The following DLG2 variants were observed in gnomAD, a reference collection of about 807,000 sequenced individuals.
DLG2 encodes disks large homolog 2.
A neutral mutation model predicts 132.5 loss-of-function variants in DLG2; 45 were observed. That is an observed-to-expected ratio of 0.34 (90% CI 0.27 to 0.44). The LOEUF (loss-of-function observed/expected upper bound fraction) is 0.44. Ranked by LOEUF, DLG2 falls within the 20% of genes least tolerant of loss-of-function variation. DLG2 has a pLI of 1.00. For synonymous variants in DLG2, 424 were observed against 419.6 expected (o/e 1.01, Z -0.13); for missense variants, 1,045 against 1,196.9 (o/e 0.87, Z 1.87).
At chr11:85,256,507 C>T (rs1204083517) in intron 4 of DLG2, among the ~76,000 whole-genome samples, 4 of 152,332 alleles carry the variant, frequency 2.6e-5, no homozygotes, top group African/African-American at 7.2e-5. Flanking sequence ...CTTAAGCCAC[C>T]TGCAGATGGC....
intron 7 of DLG2, among the ~76,000 whole-genome samples, chr11:84,311,653 A>G (rs950010012): frequency 2.6e-5 from 4 of 152,240 alleles, no homozygotes; most frequent in African/African-American, 9.6e-5. Context: ...CTGAGGCTCA[A>G]AGGGTTAACT....
At chr11:84,828,185 G>A (rs374889600) in intron 6 of DLG2, among the ~76,000 whole-genome samples, 58 of 151,906 alleles carry the variant, frequency 3.8e-4, no homozygotes, top group African/African-American at 1.4e-3. Context: ...AAAGAAAGCA[G>A]GGAAGTGTCA....
chr11:83,955,013 A>C (rs964796743), intron 14 of DLG2, among the ~76,000 whole-genome samples: 1 of 152,224 alleles, frequency 6.6e-6, no homozygotes, highest in Non-Finnish European at 1.5e-5. Context: ...CTACAGTTCC[A>C]TAAATAATTT....
At chr11:85,060,481 A>G (rs1053306503) in intron 6 of DLG2, among the ~76,000 whole-genome samples, 12 of 150,226 alleles carry the variant, frequency 8.0e-5, no homozygotes, top group African/African-American at 1.2e-4. Flanking sequence ...ATATATGTGT[A>G]TATATATATA....
At chr11:84,615,897 T>C (rs2099603580) in intron 6 of DLG2, among the ~76,000 whole-genome samples, 2 of 147,764 alleles carry the variant, frequency 1.4e-5, no homozygotes, top group South Asian at 4.4e-4. Context: ...TTCAACAATA[T>C]CCATTCAACA....
intron 9 of DLG2, among the ~76,000 whole-genome samples, chr11:84,149,209 C>T (rs1454074413): frequency 6.6e-6 from 1 of 152,092 alleles, no homozygotes; most frequent in African/African-American, 2.4e-5. Flanking sequence ...TGTGCAGAAG[C>T]TCCTTACTTT....
At chr11:85,400,677 C>A (rs1442649124) in intron 3 of DLG2, among the ~76,000 whole-genome samples, 5 of 146,416 alleles carry the variant, frequency 3.4e-5, no homozygotes, top group Non-Finnish European at 7.5e-5. Flanking sequence ...TAAACTATCG[C>A]AAGGACAAAA....
intron 18 of DLG2, among the ~76,000 whole-genome samples, chr11:83,712,508 T>C (rs1490323216): frequency 6.6e-6 from 1 of 152,102 alleles, no homozygotes; most frequent in African/African-American, 2.4e-5. Context: ...TGCATGCCTG[T>C]AATCCCAGCT....
chr11:85,246,338 C>A (rs116001582), intron 4 of DLG2, among the ~76,000 whole-genome samples: 1 of 151,784 alleles, frequency 6.6e-6, no homozygotes, highest in African/African-American at 2.4e-5. Flanking sequence ...GCTGACTAGC[C>A]CCAATGAATG....
chr11:85,520,137 C>T (rs1387356568), intron 3 of DLG2, among the ~76,000 whole-genome samples: 1 of 151,986 alleles, frequency 6.6e-6, no homozygotes, highest in African/African-American at 2.4e-5. Context: ...ATCTCAGCTT[C>T]CCAAAGTGCT....
chr11:84,757,555 G>A (rs2067048685), intron 6 of DLG2, among the ~76,000 whole-genome samples: 1 of 152,114 alleles, frequency 6.6e-6, no homozygotes, highest in African/African-American at 2.4e-5. Flanking sequence ...GGAAGATAAG[G>A]TGTTTATTGC....
chr11:85,025,352 A>T (rs984959479), intron 6 of DLG2, among the ~76,000 whole-genome samples: 1 of 152,182 alleles, frequency 6.6e-6, no homozygotes, highest in Non-Finnish European at 1.5e-5. Context: ...TGTTACCATA[A>T]AGAAGTGTTG....
chr11:83,865,831 G>A (rs189694369), intron 16 of DLG2, among the ~76,000 whole-genome samples: 13 of 152,284 alleles, frequency 8.5e-5, no homozygotes, highest in African/African-American at 3.1e-4. Context: ...AGTCAACCAT[G>A]AGTCAGCCTC....
intron 3 of DLG2, among the ~76,000 whole-genome samples, chr11:85,296,467 C>CT (rs66526147): frequency 5.5e-4 from 67 of 121,542 alleles, no homozygotes; most frequent in South Asian, 2.4e-3. Context: ...TTTCGATTTT[C>CT]TTTTTTTTTT....
At chr11:85,519,086 C>T (rs1049371561) in intron 3 of DLG2, among the ~76,000 whole-genome samples, 1 of 152,144 alleles carries the variant, frequency 6.6e-6, no homozygotes, top group Non-Finnish European at 1.5e-5. Context: ...CATGGAGAAC[C>T]TCCACTAGGG....
chr11:85,121,784 C>T (rs1255611150), intron 5 of DLG2, among the ~76,000 whole-genome samples: 6 of 152,162 alleles, frequency 3.9e-5, no homozygotes, highest in African/African-American at 1.4e-4. Context: ...GTTTCTCCAT[C>T]AGAGTACAAA....
chr11:83,709,191 T>G (rs2084770409), intron 18 of DLG2, among the ~76,000 whole-genome samples: 1 of 151,498 alleles, frequency 6.6e-6, no homozygotes, highest in African/African-American at 2.4e-5. Flanking sequence ...AGGAAAAAAA[T>G]AAAAGTCTGA....
intron 6 of DLG2, among the ~76,000 whole-genome samples, chr11:84,553,613 G>T (rs1490324760): frequency 3.9e-5 from 6 of 152,148 alleles, no homozygotes; most frequent in Admixed American, 3.9e-4. Context: ...CAACAATACT[G>T]TCAAAGGAAC....
intron 14 of DLG2, among the ~76,000 whole-genome samples, chr11:83,958,985 C>A (rs546835231): frequency 6.6e-6 from 1 of 152,266 alleles, no homozygotes; most frequent in Admixed American, 6.5e-5. Context: ...TCTATTCTGA[C>A]AGTCTATAAT....
Sources: allele counts gnomAD v4.1 joint callset (sites outside exome capture counted in the v4.1 genomes callset), GRCh38; gene constraint gnomAD v4.1.1; transcripts MANE v1.5; gene names NCBI Gene and HGNC (gene_info 2026-07-23, HGNC 2026-07-21).